PIEZO2: variants seen among roughly 807,000 people sequenced by gnomAD.
PIEZO2 encodes piezo type mechanosensitive ion channel component 2.
In PIEZO2, 172 loss-of-function variants were observed where a neutral mutation model predicts 337.3. That is an observed-to-expected ratio of 0.51 (90% confidence interval 0.45 to 0.58). PIEZO2 has a LOEUF of 0.58. Ranked by LOEUF, PIEZO2 falls within the 20% of genes least tolerant of loss-of-function variation. The pLI is 0.00. For synonymous variants in PIEZO2, 1,251 were observed against 1,228.5 expected (o/e 1.02, Z -0.38); for missense variants, 3,028 against 3,391.3 (o/e 0.89, Z 2.66).
At position 11,110,782 on chromosome 18, in the gene PIEZO2, C is replaced by T. The variant is rs542153005; in HGVS notation, c.64+37743G>A. Among the ~76,000 whole-genome samples the T allele has an allele frequency of 3.2e-4, 47 of 146,928 alleles. No homozygotes were observed. Among genetic ancestry groups the T allele is most frequent in the Non-Finnish European group, 6.2e-4 (41 of 66,450 alleles). On this transcript the variant is annotated intron_variant, in intron 1 of 55. Coordinates refer to ENST00000674853, the MANE Select transcript of PIEZO2 (RefSeq NM_001378183.1). This position sits in a 1 kb window ranked among gnomAD's most constrained non-coding sequence, Gnocchi z 4.2. ...GGCAGGCAGCTCTGGCCCACGTGTGCGTTTCCTTTGGAACACACAGTATTG... is the reference window on the plus strand; with the variant it reads ...GGCAGGCAGCTCTGGCCCACGTGTGTGTTTCCTTTGGAACACACAGTATTG...
chr18:11,107,372 G>A (rs746129176), intron 1 of PIEZO2, among the ~76,000 whole-genome samples: 4 of 152,208 alleles, frequency 2.6e-5, no homozygotes, highest in South Asian at 2.1e-4. Context: ...CAGGAATTCT[G>A]GGGTGATAAC....
intron 3 of PIEZO2, among the ~76,000 whole-genome samples, chr18:10,970,604 T>C (rs2034195398): frequency 6.6e-6 from 1 of 152,050 alleles, no homozygotes; most frequent in African/African-American, 2.4e-5. Context: ...TGGGAAATTA[T>C]ACATGGAAGA....
rs899230983 is a variant in PIEZO2, at chr18:10,843,944, C to G, written c.917+11409G>C. ...ACAAAGTGCAAAGGCTGGTTTACCACGAAGTTGTTCTGGAACAGGATGGTA... is the reference window on the plus strand; with the variant it reads ...ACAAAGTGCAAAGGCTGGTTTACCAGGAAGTTGTTCTGGAACAGGATGGTA... On this transcript the variant is annotated intron_variant, in intron 7 of 55. Coordinates refer to ENST00000674853, the MANE Select transcript of PIEZO2 (RefSeq NM_001378183.1). 2.0e-5 allele frequency among the ~76,000 whole-genome samples: 3 copies of G among 152,134 alleles called. No homozygotes were observed. The East Asian group carries it at 5.8e-4, about 29-fold the overall frequency.
At chr18:10,728,954 C>CAAAAAAAAAAAAAAAAAAAAAAAAA (rs143511795) in intron 36 of PIEZO2, among the ~76,000 whole-genome samples, 1 of 75,656 alleles carries the variant, frequency 1.3e-5, no homozygotes, top group African/African-American at 4.8e-5. Context: ...GACTCTGTCT[C>CAAAAAAAAAAAAAAAAAAAAAAAAA]AAAAAAAAAA....
intron 3 of PIEZO2, among the ~76,000 whole-genome samples, chr18:10,959,955 T>C (rs1043763217): frequency 2.0e-5 from 3 of 152,188 alleles, no homozygotes; most frequent in Admixed American, 6.5e-5. Flanking sequence ...GAGTAACTGT[T>C]AAAACAGCTA....
At position 10,773,500 on chromosome 18, in the gene PIEZO2, G is replaced by T; in HGVS notation, c.2697C>A (p.Ala899=). 3.3e-6 allele frequency: 5 copies of T among 1,537,354 alleles called. No individual in the cohort carries two copies. The highest frequency in any genetic ancestry group is 4.4e-6 in the Non-Finnish European group (5 of 1,146,948). ...TGTCTTTCCCAAGATCACCCTTCTG[G>T]GCTTTTTCAGAGTAGCCCTCAAGCT... ...EEKLEGYSEK[A]QKGDLGKDSE... The change falls in exon 20 of 56, where the codon GCC becomes GCA. Residue 899 remains alanine (A), a synonymous_variant. Coordinates refer to ENST00000674853, the MANE Select transcript of PIEZO2 (RefSeq NM_001378183.1). This position sits in a 1 kb window ranked among gnomAD's most constrained non-coding sequence, Gnocchi z 5.3.
intron 17 of PIEZO2, among the ~76,000 whole-genome samples, chr18:10,782,499 CTTA>C (rs2039063127): frequency 8.0e-6 from 1 of 125,218 alleles, no homozygotes; most frequent in African/African-American, 3.1e-5. Context: ...ATATTATATT[CTTA>C]TATTATATAT....
At chr18:11,067,610 T>A (rs148997779) in intron 1 of PIEZO2, among the ~76,000 whole-genome samples, 1 of 152,140 alleles carries the variant, frequency 6.6e-6, no homozygotes, top group East Asian at 1.9e-4. Context: ...TCAGATAAAA[T>A]AGACTTTAAG....
rs977684171 is a variant in PIEZO2 at position 10,682,536 on chromosome 18, C to T, written c.7498-244G>A. Among the ~76,000 whole-genome samples the T allele has an allele frequency of 6.6e-6, 1 of 152,190 alleles. No individual in the cohort carries two copies. Among genetic ancestry groups the T allele is most frequent in the Non-Finnish European group, 1.5e-5 (1 of 68,032 alleles). On this transcript the variant is annotated intron_variant, in intron 49 of 55. Transcript: ENST00000674853. The surrounding 1 kb of genome is among the most constrained non-coding windows in gnomAD (Gnocchi z 5.6). ...CCCCTGGTGGATCCACAGGGGCCAA[C>T]AGGACTTAAGCGGCCTTCTCCCTTC... is the stretch of plus-strand genomic sequence containing the variant.
intron 49 of PIEZO2, among the ~76,000 whole-genome samples, chr18:10,685,308 C>G (rs1005711910): frequency 6.6e-6 from 1 of 152,140 alleles, no homozygotes; most frequent in Non-Finnish European, 1.5e-5. Context: ...TTCAGACTCC[C>G]CAATATCACC....
At chr18:10,916,429 G>C (rs551423641) in intron 3 of PIEZO2, among the ~76,000 whole-genome samples, 64 of 152,250 alleles carry the variant, frequency 4.2e-4, no homozygotes, top group African/African-American at 1.5e-3. Context: ...GCCCTTCCTC[G>C]AGGCGAGGAG....
At chr18:10,869,299 T>C (rs1187530088) in intron 5 of PIEZO2, among the ~76,000 whole-genome samples, 1 of 152,204 alleles carries the variant, frequency 6.6e-6, no homozygotes, top group African/African-American at 2.4e-5. Context: ...TTTTCAATAC[T>C]TATCCTTTCC....
intron 2 of PIEZO2, among the ~76,000 whole-genome samples, chr18:11,040,225 T>G (rs1241627964): frequency 1.4e-5 from 2 of 145,458 alleles, no homozygotes; most frequent in African/African-American, 4.9e-5. Context: ...CAATACATTT[T>G]AGCTATTTCT....
chr18:10,698,030 T>A, intron 44 of PIEZO2, 150 bp from the exon 45 acceptor site: 1 of 102,900 alleles, frequency 9.7e-6, no homozygotes, highest in East Asian at 1.4e-3. Context: ...GGATTTGTCC[T>A]CAACTCTGCT....
In PIEZO2 at chr18:11,021,860, A is replaced by G. The variant is rs751346294; in HGVS notation, c.161-42200T>C. Among the ~76,000 whole-genome samples the G allele has an allele frequency of 6.6e-6, 1 of 152,210 alleles. No homozygotes were observed. Reference sequence around the variant, plus strand: ...TTCCATTCTTCTCCATCTTGATGGCAGAGTCCAGATGCTGCCTTTTCTCAA... The same window carrying G: ...TTCCATTCTTCTCCATCTTGATGGCGGAGTCCAGATGCTGCCTTTTCTCAA... On this transcript the variant is annotated intron_variant, in intron 2 of 55. Coordinates refer to ENST00000674853, the MANE Select transcript of PIEZO2 (RefSeq NM_001378183.1). This position sits in a 1 kb window ranked among gnomAD's most constrained non-coding sequence, Gnocchi z 4.7.
rs9964533 is a variant in PIEZO2 at position 11,016,152 on chromosome 18, T to A, written c.161-36492A>T. On this transcript the variant is annotated intron_variant, in intron 2 of 55. Transcript: ENST00000674853. This position sits in a 1 kb window ranked among gnomAD's most constrained non-coding sequence, Gnocchi z 5.6. ...TCTGTTAATACCTCAATTTAGCAAATGTAATGAGTACTGTGGGTAAGAGGG... is the reference window on the plus strand; with the variant it reads ...TCTGTTAATACCTCAATTTAGCAAAAGTAATGAGTACTGTGGGTAAGAGGG... Among the ~76,000 whole-genome samples the A allele has an allele frequency of 0.034, 5,118 of 152,172 alleles. 271 individuals are homozygous for A. Among genetic ancestry groups the A allele is most frequent in the African/African-American group, 0.11 (4,719 of 41,494 alleles).
intron 8 of PIEZO2, among the ~76,000 whole-genome samples, chr18:10,804,855 T>C (rs1480771446): frequency 6.6e-6 from 1 of 152,222 alleles, no homozygotes; most frequent in Non-Finnish European, 1.5e-5. Flanking sequence ...CTTTTTCTCA[T>C]TGACTCAATG....
In PIEZO2 at chr18:10,726,662, A is replaced by T; in HGVS notation, c.5029+4745T>A. ...GCGCGCGCCAAGCGCGGCCAGACAG[A>T]CACCTCGCTGCCAAGTTAATTCAGC... On this transcript the variant is annotated intron_variant, in intron 36 of 55. Transcript: ENST00000674853. The surrounding 1 kb of genome is among the most constrained non-coding windows in gnomAD (Gnocchi z 5.9). The T allele has an allele frequency of 7.0e-7, 1 of 1,424,904 alleles. No homozygotes were observed. Among genetic ancestry groups the T allele is most frequent in the Non-Finnish European group, 9.6e-7 (1 of 1,042,476 alleles). The allele number at this position is 1,424,904 out of a possible 1,614,324, so 88.3% of individuals were successfully genotyped here.
chr18:11,142,750 C>T (rs1297718658), intron 1 of PIEZO2, among the ~76,000 whole-genome samples: 1 of 142,044 alleles, frequency 7.0e-6, no homozygotes, highest in Non-Finnish European at 1.5e-5. Flanking sequence ...CACTGCACTG[C>T]AGCCTAGGCA....
Sources: allele counts gnomAD v4.1 joint callset (sites outside exome capture counted in the v4.1 genomes callset), GRCh38; gene constraint gnomAD v4.1.1; non-coding constraint Gnocchi (gnomAD v3.1); transcripts MANE v1.5; gene names NCBI Gene and HGNC (gene_info 2026-07-23, HGNC 2026-07-21).